The following ARID1B variants were observed in gnomAD, a reference collection of about 807,000 sequenced individuals.
ARID1B encodes AT-rich interaction domain 1B.
Under a neutral mutation model 212.3 loss-of-function variants are expected in ARID1B, and 30 were observed. The observed-to-expected ratio is 0.14, with a 90% CI of 0.11 to 0.19. ARID1B has a LOEUF of 0.19. ARID1B is among the 10% of genes least tolerant of loss of function. The pLI, the probability that ARID1B is intolerant of heterozygous loss-of-function variation, is 1.00. For synonymous variants in ARID1B, 1,402 were observed against 1,301.7 expected (o/e 1.08, Z -1.66); for missense variants, 2,891 against 3,204.0 (o/e 0.90, Z 2.36).
intron 1 of ARID1B, among the ~76,000 whole-genome samples, chr6:156,784,028 A>AT (rs201785586): frequency 1.3e-3 from 192 of 146,800 alleles, no homozygotes; most frequent in South Asian, 6.7e-3. Context: ...ACTTAATTCC[A>AT]TTTTTTTTTT....
At chr6:156,923,624 A>G (rs1251901445) in intron 3 of ARID1B, among the ~76,000 whole-genome samples, 2 of 152,142 alleles carry the variant, frequency 1.3e-5, no homozygotes, top group Admixed American at 6.5e-5. Context: ...GGTGTGATGT[A>G]GAATTATTAG....
Position 156,779,169 on chromosome 6 carries a change from G to T in ARID1B, c.1489G>T (p.Gly497Trp). 1.5e-6 allele frequency: 2 copies of T among 1,333,704 alleles called. No homozygotes were observed. Among genetic ancestry groups the T allele is most frequent in the South Asian group, 2.0e-5 (1 of 50,828 alleles). The allele number at this position is 1,333,704 out of a possible 1,614,324, so 82.6% of individuals were successfully genotyped here. ...RFAGQNQHPS[G>W]ATPTLNQLLT... ...CGCCGGCCAGAACCAGCACCCGTCG[G>T]GGGCCACCCCGACCCTCAATCAGCT... is the stretch of plus-strand genomic sequence containing the variant. The change falls in exon 1 of 20, where the codon GGG (glycine) becomes TGG (tryptophan). Residue 497 changes from glycine to tryptophan, a missense_variant. By Grantham distance (184) the Gly-to-Trp change is radical (BLOSUM62 -2). Coordinates refer to ENST00000636930, the MANE Select transcript of ARID1B (RefSeq NM_001374828.1).
rs1210543777 is a variant in ARID1B, at chr6:157,201,255, CCAG to C, written c.5032_5034del (p.Ser1678del). On this transcript the variant is annotated inframe_deletion, in exon 18 of 20. Transcript: ENST00000636930. This position sits in a 1 kb window ranked among gnomAD's most constrained non-coding sequence, Gnocchi z 5.2. ...CTGCCAAATCACATCTCCAGGGCGC[CCAG>C]CCCAGCGTCCTTCCAGCGCTCCCTG... 1.2e-6 allele frequency: 2 copies of C among 1,613,984 alleles called. No individual in the cohort carries two copies. The highest frequency in any genetic ancestry group is 1.7e-6 in the Non-Finnish European group (2 of 1,180,010).
chr6:157,137,119 T>A (rs1420586604), intron 7 of ARID1B, among the ~76,000 whole-genome samples: 1 of 151,078 alleles, frequency 6.6e-6, no homozygotes, highest in East Asian at 1.9e-4. Flanking sequence ...AGGTTGAGGC[T>A]GCAGTGAGCT....
chr6:156,895,865 C>T (rs1317804405), intron 2 of ARID1B, among the ~76,000 whole-genome samples: 1 of 152,088 alleles, frequency 6.6e-6, no homozygotes, highest in Admixed American at 6.5e-5. Flanking sequence ...CCCCATAATC[C>T]CCAATTCTTT....
chr6:156,837,883 A>G (rs1340889362), intron 2 of ARID1B, among the ~76,000 whole-genome samples: 1 of 152,152 alleles, frequency 6.6e-6, no homozygotes, highest in Non-Finnish European at 1.5e-5. Flanking sequence ...AAGTTTAGAA[A>G]TGTTTGGGAC....
In ARID1B at chr6:156,789,775, T is replaced by A. The variant is rs568223881; in HGVS notation, c.1791+10304T>A. ...TACTAGCTGTGTGACCTCAGGCAAG[T>A]CACTTCGCTTCTCTGTGCTGTGTGG... is the stretch of plus-strand genomic sequence containing the variant. On this transcript the variant is annotated intron_variant, in intron 1 of 19. Transcript: ENST00000636930. Among the ~76,000 whole-genome samples the A allele has an allele frequency of 3.9e-5, 6 of 152,326 alleles. No homozygotes were observed. The South Asian group carries it at 1.2e-3, about 32-fold the overall frequency.
At position 156,812,933 on chromosome 6, in the gene ARID1B, GGTGTGTGTGTGTGTGT is replaced by G. The variant is rs71027314; in HGVS notation, c.1792-16265_1792-16250del. 3.1e-3 allele frequency among the ~76,000 whole-genome samples: 274 copies of G among 89,430 alleles called. 3 individuals carry two copies. The highest frequency in any genetic ancestry group is 9.6e-3 in the African/African-American group (255 of 26,608). The allele number at this position is 89,430 out of a possible 152,430, so 58.7% of individuals were successfully genotyped here. ...TTCCAAATAGAAAATTATAATCCTGGGTGTGTGTGTGTGTGTGTGTGTGTGTGTGTGTGTGTGTGTG... is the reference window on the plus strand; with the variant it reads ...TTCCAAATAGAAAATTATAATCCTGGGTGTGTGTGTGTGTGTGTGTGTGTG... On this transcript the variant is annotated intron_variant, in intron 1 of 19. Coordinates refer to ENST00000636930, the MANE Select transcript of ARID1B (RefSeq NM_001374828.1).
chr6:157,206,669 G>T lies in ARID1B; in HGVS notation c.5897G>T (p.Arg1966Leu), dbSNP rs758748419. 1 of 1,612,968 alleles carries T rather than the reference G, an allele frequency of 6.2e-7. No individual in the cohort carries two copies. The highest frequency in any genetic ancestry group is 8.5e-7 in the Non-Finnish European group (1 of 1,179,960). Residue 1966 changes from arginine (R) to leucine (L), a missense_variant, in exon 20 of 20, where the codon CGC (arginine) becomes CTC (leucine). By Grantham distance (102) the Arg-to-Leu change is moderately radical. This residue lies in a region of ARID1B where 332 missense variants were observed against 369.2 expected (regional missense o/e 0.90). Coordinates refer to ENST00000636930, the MANE Select transcript of ARID1B (RefSeq NM_001374828.1). The surrounding 1 kb of genome is among the most constrained non-coding windows in gnomAD (Gnocchi z 6.8). ...GAGAGCAAGATGGAAATTCCTCCTC[G>T]CAGGCGCCCACCTCCCCCCTTAAGC... is the stretch of plus-strand genomic sequence containing the variant. ...HFESKMEIPP[R>L]RRPPPPLSSA...
intron 7 of ARID1B, among the ~76,000 whole-genome samples, chr6:157,133,909 G>T (rs937434122): frequency 6.6e-6 from 1 of 152,190 alleles, no homozygotes; most frequent in African/African-American, 2.4e-5. Context: ...CCTGATGTGT[G>T]TAGGTATACA....
intron 4 of ARID1B, among the ~76,000 whole-genome samples, chr6:156,988,085 A>T (rs569009273): frequency 3.0e-4 from 45 of 152,254 alleles, no homozygotes; most frequent in African/African-American, 1.1e-3. Context: ...AAAAAATCTG[A>T]TCTATTGGAA....
intron 3 of ARID1B, 88 bp from the exon 4 acceptor site, chr6:156,935,378 C>G: frequency 2.5e-6 from 3 of 1,179,220 alleles, no homozygotes; most frequent in Non-Finnish European, 3.7e-6. Flanking sequence ...CTGTGCCCAG[C>G]CAAGCTTTTG....
chr6:156,843,298 A>G (rs962502722), intron 2 of ARID1B, among the ~76,000 whole-genome samples: 1 of 152,240 alleles, frequency 6.6e-6, no homozygotes, highest in African/African-American at 2.4e-5. Flanking sequence ...AAGTTTTAAA[A>G]TACAATTTTT....
chr6:156,964,161 T>C (rs1794586559), intron 4 of ARID1B, among the ~76,000 whole-genome samples: 1 of 152,238 alleles, frequency 6.6e-6, no homozygotes, highest in Admixed American at 6.5e-5. Flanking sequence ...TATTAACTCA[T>C]CTTGCAACCT....
chr6:157,019,515 G>T (rs1780101710), intron 4 of ARID1B, among the ~76,000 whole-genome samples: 1 of 152,192 alleles, frequency 6.6e-6, no homozygotes, highest in African/African-American at 2.4e-5. Context: ...TGTTACCTGA[G>T]TCCATGTTTC....
chr6:157,179,342 A>G (rs1412190405), intron 11 of ARID1B, among the ~76,000 whole-genome samples: 1 of 152,122 alleles, frequency 6.6e-6, no homozygotes, highest in African/African-American at 2.4e-5. Flanking sequence ...GTCTTGTGTA[A>G]AGTGTGTTAG....
Position 157,189,679 on chromosome 6 carries a change from G to C in ARID1B, c.3957G>C (p.Gln1319His), listed in dbSNP as rs762767858. The C allele has an allele frequency of 6.2e-7, 1 of 1,613,808 alleles. No individual in the cohort carries two copies. Among genetic ancestry groups the C allele is most frequent in the South Asian group, 1.1e-5 (1 of 91,002 alleles). ...CCTTGCAAGGCCCACAGACCCCCCA[G>C]TCAACTGGCAGCAATTCCATGGCAG... ...SGSLQGPQTP[Q>H]STGSNSMAEV... Residue 1319 changes from glutamine (Q) to histidine (H), a missense_variant, in exon 14 of 20, where the codon CAG becomes CAC. Coordinates refer to ENST00000636930, the MANE Select transcript of ARID1B (RefSeq NM_001374828.1).
At chr6:157,020,732 C>T (rs774337572) in intron 4 of ARID1B, among the ~76,000 whole-genome samples, 1 of 152,166 alleles carries the variant, frequency 6.6e-6, no homozygotes, top group Non-Finnish European at 1.5e-5. Context: ...TCGCTTTTTC[C>T]TCACCAAAGA....
chr6:157,024,500 GC>G (rs1562558339), intron 4 of ARID1B: 2 of 152,222 alleles, frequency 1.3e-5, no homozygotes, highest in Admixed American at 1.3e-4. Flanking sequence ...AGTGGCTCAT[GC>G]CTTTAATCCC....
Sources: allele counts gnomAD v4.1 joint callset (sites outside exome capture counted in the v4.1 genomes callset), GRCh38; gene constraint gnomAD v4.1.1; regional missense constraint gnomAD v4.1.1; non-coding constraint Gnocchi (gnomAD v3.1); transcripts MANE v1.5; gene names NCBI Gene and HGNC (gene_info 2026-07-23, HGNC 2026-07-21).